Variants in APLP2 observed in about 807,000 individuals in gnomAD.
APLP2 encodes the protein CDEI box-binding protein.
A neutral mutation model predicts 89.9 loss-of-function variants in APLP2; 53 were observed. The ratio of observed to expected loss-of-function variants is 0.59; its 90% CI spans 0.47 to 0.74. The LOEUF (loss-of-function observed/expected upper bound fraction) is 0.74. APLP2 is among the 30% of genes least tolerant of loss of function. The pLI, the probability that APLP2 is intolerant of heterozygous loss-of-function variation, is 0.00. For synonymous variants in APLP2, 372 were observed against 348.6 expected (o/e 1.07, Z -0.75); for missense variants, 973 against 975.9 (o/e 1.00, Z 0.04).
chr11:130,101,631 T>A (rs1946946763), intron 1 of APLP2: 1 of 172,930 alleles, frequency 5.8e-6, no homozygotes, highest in African/African-American at 2.4e-5. Flanking sequence ...AATCTAGGCA[T>A]ATAATAAGCA....
At chr11:130,088,043 G>A (rs1476718130) in intron 1 of APLP2, among the ~76,000 whole-genome samples, 1 of 152,214 alleles carries the variant, frequency 6.6e-6, no homozygotes, top group Non-Finnish European at 1.5e-5. Context: ...CAGCCAAACA[G>A]TTTTTACATG....
chr11:130,120,123 A>G (rs143919878), intron 3 of APLP2, among the ~76,000 whole-genome samples: 154 of 152,310 alleles, frequency 1.0e-3, no homozygotes, highest in African/African-American at 3.4e-3. Context: ...TATTTTTAGG[A>G]CATCACACAC....
chr11:130,070,974 G>A (rs1432256617), intron 1 of APLP2, among the ~76,000 whole-genome samples: 2 of 152,234 alleles, frequency 1.3e-5, no homozygotes, highest in African/African-American at 2.4e-5. Context: ...GTGCGGGCCG[G>A]AGCGGGCAGC....
chr11:130,125,803 T>TTA (rs1950309466), intron 7 of APLP2, among the ~76,000 whole-genome samples: 1 of 152,202 alleles, frequency 6.6e-6, no homozygotes, highest in Non-Finnish European at 1.5e-5. Context: ...CTTGCATGAA[T>TTA]TAGGCTAGTA....
At chr11:130,126,403 G>C (rs1950368535) in intron 7 of APLP2, among the ~76,000 whole-genome samples, 1 of 152,200 alleles carries the variant, frequency 6.6e-6, no homozygotes, top group East Asian at 1.9e-4. Flanking sequence ...CTGAAGGGAA[G>C]GTATAGAAGA....
At chr11:130,070,641 G>A (rs922182002) in intron 1 of APLP2, 2 of 1,463,112 alleles carry the variant, frequency 1.4e-6, no homozygotes, top group African/African-American at 2.9e-5. Flanking sequence ...GAGCTCCCGC[G>A]CCAGGCCGCC....
intron 1 of APLP2, 154 bp from the exon 2 acceptor site, chr11:130,109,275 G>C (rs1948222656): frequency 1.5e-6 from 1 of 684,576 alleles, no homozygotes; most frequent in African/African-American, 1.9e-5. Flanking sequence ...TTTTTATTCT[G>C]TTCTAGCTCC....
rs549838593 is a variant in APLP2, at chr11:130,070,842, G to C, written c.105+760G>C. 1.1e-4 allele frequency: 116 copies of C among 1,096,964 alleles called. 3 individuals are homozygous for C. The South Asian group carries it at 3.1e-3, about 29-fold the overall frequency. 68.0% of individuals were successfully genotyped at this position (1,096,964 alleles called of 1,614,324 possible). ...GAAAAATCGTCCTCTTCGGGTGTCAGAATTCCATCAGTGGTTGTGCTTCGA... is the reference window on the plus strand; with the variant it reads ...GAAAAATCGTCCTCTTCGGGTGTCACAATTCCATCAGTGGTTGTGCTTCGA... On this transcript the variant is annotated intron_variant, in intron 1 of 16. Coordinates refer to ENST00000338167, the MANE Select transcript of APLP2 (RefSeq NM_001142276.2).
chr11:130,110,958 A>T (rs923536978), intron 3 of APLP2, among the ~76,000 whole-genome samples: 1 of 152,290 alleles, frequency 6.6e-6, no homozygotes, highest in East Asian at 1.9e-4. Flanking sequence ...TCAGTGGTTT[A>T]TGGTGATAGT....
At chr11:130,091,312 G>A (rs1226840039) in intron 1 of APLP2, among the ~76,000 whole-genome samples, 1,360 of 137,410 alleles carry the variant, frequency 9.9e-3, no homozygotes, top group African/African-American at 0.039. Context: ...CTGGCCGGGC[G>A]GGGGGCTGAC....
intron 6 of APLP2, 36 bp downstream of exon 6, chr11:130,122,549 G>A (rs1259964122): frequency 6.2e-7 from 1 of 1,612,776 alleles, no homozygotes; most frequent in Admixed American, 1.7e-5. Context: ...TGAAATCCAT[G>A]TGGTAATTAT....
intron 1 of APLP2, among the ~76,000 whole-genome samples, chr11:130,085,030 A>T (rs1158476107): frequency 1.3e-5 from 2 of 152,242 alleles, no homozygotes; most frequent in African/African-American, 4.8e-5. Flanking sequence ...GTATGCCAAA[A>T]AATTGGATAA....
intron 14 of APLP2, 133 bp downstream of exon 14, chr11:130,140,616 A>G (rs1240978731): frequency 1.7e-6 from 1 of 584,110 alleles, no homozygotes; most frequent in Non-Finnish European, 2.9e-6. Flanking sequence ...GGAGGGCTCC[A>G]ACGGCTCCCA....
intron 3 of APLP2, among the ~76,000 whole-genome samples, chr11:130,118,391 A>C (rs1949458459): frequency 6.6e-6 from 1 of 152,190 alleles, no homozygotes; most frequent in Non-Finnish European, 1.5e-5. Flanking sequence ...TGTTGTATAG[A>C]TTATGTCATT....
chr11:130,127,684 C>T lies in APLP2; in HGVS notation c.1222-82C>T, dbSNP rs185949023. 9.9e-4 allele frequency: 1,116 copies of T among 1,123,614 alleles called. 12 individuals carry two copies. Among genetic ancestry groups the T allele is most frequent in the South Asian group, 2.2e-3 (178 of 79,930 alleles). 69.6% of individuals were successfully genotyped at this position (1,123,614 alleles called of 1,614,324 possible). ...TTTTGCAGTTTCCTGTGAGATTTAG[C>T]ATCTGACAGTGTTTTTAGCAAATGG... On this transcript the variant is annotated intron_variant, in intron 8 of 16. Coordinates refer to ENST00000338167, the MANE Select transcript of APLP2 (RefSeq NM_001142276.2).
In APLP2 at chr11:130,123,843, C is replaced by T; in HGVS notation, c.1090+64C>T. 1 of 1,564,132 alleles carries T rather than the reference C, an allele frequency of 6.4e-7. No homozygotes were observed. Among genetic ancestry groups the T allele is most frequent in the Non-Finnish European group, 8.7e-7 (1 of 1,146,738 alleles). Reference sequence around the variant, plus strand: ...GTCCTGTCTGGCGTCCGTCTCCCTGCCGTCTTCGTGGCTGCATCTGTGTGG... The same window carrying T: ...GTCCTGTCTGGCGTCCGTCTCCCTGTCGTCTTCGTGGCTGCATCTGTGTGG... On this transcript the variant is annotated intron_variant, in intron 7 of 16. Coordinates refer to ENST00000338167, the MANE Select transcript of APLP2 (RefSeq NM_001142276.2). This position sits in a 1 kb window ranked among gnomAD's most constrained non-coding sequence, Gnocchi z 4.0.
At position 130,121,857 on chromosome 11, in the gene APLP2, G is replaced by A. The variant is rs368717793; in HGVS notation, c.713+47G>A. On this transcript the variant is annotated intron_variant, in intron 5 of 16. Transcript: ENST00000338167. ...GTGAAGTCGTTTTGCCTTTTTGTTAGCCCTTCTGTAAAGACGGCTGTTGGC... is the reference window on the plus strand; with the variant it reads ...GTGAAGTCGTTTTGCCTTTTTGTTAACCCTTCTGTAAAGACGGCTGTTGGC... The A allele has an allele frequency of 4.4e-6, 7 of 1,584,808 alleles. No homozygotes were observed. In the South Asian group the frequency reaches 8.0e-5, roughly 18 times the overall value.
chr11:130,078,950 A>T (rs546103873), intron 1 of APLP2, among the ~76,000 whole-genome samples: 49 of 152,124 alleles, frequency 3.2e-4, no homozygotes, highest in African/African-American at 1.2e-3. Context: ...CTTTTCACAT[A>T]AATTTGCCAC....
Position 130,140,391 on chromosome 11 carries a change from C to A in APLP2, c.1838-7C>A. The A allele has an allele frequency of 6.3e-7, 1 of 1,599,308 alleles. No individual in the cohort carries two copies. The highest frequency in any genetic ancestry group is 1.3e-5 in the African/African-American group (1 of 74,224). ...TGGGAACTCAGCCATGATCTCTCTC[C>A]ACACAGGATCTGGAGTGGGAGAGCA... On this transcript the variant is annotated splice_polypyrimidine_tract_variant and splice_region_variant and intron_variant, in intron 13 of 16. Coordinates refer to ENST00000338167, the MANE Select transcript of APLP2 (RefSeq NM_001142276.2).
Sources: gnomAD v4.1 joint callset for allele counts (sites outside exome capture counted in the v4.1 genomes callset) on GRCh38, gnomAD v4.1.1 for gene constraint, Gnocchi (gnomAD v3.1) non-coding constraint, MANE v1.5 for transcripts, NCBI Gene and HGNC (gene_info 2026-07-23, HGNC 2026-07-21) for gene names.